Variants in CAPN13 observed in about 807,000 individuals in gnomAD.
The protein encoded by CAPN13 is calpain 13.
CAPN13 carries 90 observed loss-of-function variants against 98.4 expected under a neutral mutation model. The observed-to-expected ratio is 0.92, with a 90% CI of 0.77 to 1.09. The LOEUF (loss-of-function observed/expected upper bound fraction) is 1.09, where lower values mean the gene tolerates loss of function less well. Ranked by LOEUF, CAPN13 falls within the 50% of genes least tolerant of loss-of-function variation. The probability of loss-of-function intolerance (pLI) is 0.00; values close to 1 mark genes in which losing one functional copy is unlikely to be tolerated. For missense variants in CAPN13, 887 were observed against 841.3 expected (o/e 1.05, Z -0.67); for synonymous variants, 330 against 305.5 (o/e 1.08, Z -0.84).
At chr2:30,731,727 T>C (rs1344309566) in intron 20 of CAPN13, among the ~76,000 whole-genome samples, 12 of 152,188 alleles carry the variant, frequency 7.9e-5, no homozygotes, top group Non-Finnish European at 1.5e-4. Flanking sequence ...CTTTCAGTGA[T>C]ACAATTTGGG....
At chr2:30,742,771 A>G (rs1472390048) in intron 13 of CAPN13, among the ~76,000 whole-genome samples, 1 of 152,182 alleles carries the variant, frequency 6.6e-6, no homozygotes, top group African/African-American at 2.4e-5. Context: ...AAGAGGAGAC[A>G]AGGGGCCCAG....
At chr2:30,740,539 A>G (rs1273489979) in intron 15 of CAPN13, among the ~76,000 whole-genome samples, 6 of 152,242 alleles carry the variant, frequency 3.9e-5, no homozygotes, top group African/African-American at 1.4e-4. Context: ...GAATACTGCC[A>G]GGTGGGCCCT....
intron 3 of CAPN13, among the ~76,000 whole-genome samples, chr2:30,776,399 G>C (rs751345873): frequency 9.2e-5 from 14 of 152,072 alleles, no homozygotes; most frequent in Non-Finnish European, 1.5e-4. Context: ...TTTTAGTGGA[G>C]ACAGGGTTTC....
Position 30,758,036 on chromosome 2 carries a change from G to C in CAPN13, c.866+10C>G, listed in dbSNP as rs745377275. 5.6e-6 allele frequency: 9 copies of C among 1,594,970 alleles called. No individual in the cohort carries two copies. In the African/African-American group the frequency reaches 9.5e-5, roughly 17 times the overall value. On this transcript the variant is annotated intron_variant, in intron 8 of 22. Coordinates refer to ENST00000295055, the MANE Select transcript of CAPN13 (RefSeq NM_144575.3). ...TGTGAAGGATGGAGAGAGGTTTCCA[G>C]AAGCCATACCCATCACTCCAGCGCC...
In CAPN13 at chr2:30,753,183, A is replaced by T; in HGVS notation, c.957T>A (p.Asp319Glu). 6.2e-7 allele frequency: 1 copy of T among 1,614,038 alleles called. No individual in the cohort carries two copies. The highest frequency in any genetic ancestry group is 8.5e-7 in the Non-Finnish European group (1 of 1,179,886). ...ACATGGCGATGAATTTCTGTTGGAA[A>T]TCTTGACACGACATCCTGTTAAAAA... ...EDGEFWMSCQDFQQKFIAMFI... is the reference protein window; with the variant it reads ...EDGEFWMSCQEFQQKFIAMFI... The change falls in exon 10 of 23, where the codon GAT becomes GAA. Residue 319 changes from aspartate (D) to glutamate (E), a missense_variant. Transcript: ENST00000295055.
chr2:30,759,229 C>T (rs1461096555), intron 7 of CAPN13, among the ~76,000 whole-genome samples: 3 of 151,702 alleles, frequency 2.0e-5, no homozygotes, highest in African/African-American at 7.3e-5. Context: ...CCTCTTCTCT[C>T]CCTCCCTCCT....
rs111980788 is a variant in CAPN13 at position 30,759,311 on chromosome 2, G to A, written c.775-1174C>T. On this transcript the variant is annotated intron_variant, in intron 7 of 22. Coordinates refer to ENST00000295055, the MANE Select transcript of CAPN13 (RefSeq NM_144575.3). ...ATAGTCGTGCACTTCAGATAAGGAGGTCTACCCCTTTGCTCCCTCACACCG... is the reference window on the plus strand; with the variant it reads ...ATAGTCGTGCACTTCAGATAAGGAGATCTACCCCTTTGCTCCCTCACACCG... Among the ~76,000 whole-genome samples the A allele has an allele frequency of 2.3e-3, 355 of 152,110 alleles. 2 individuals carry two copies. The highest frequency in any genetic ancestry group is 8.2e-3 in the African/African-American group (339 of 41,482).
intron 15 of CAPN13, among the ~76,000 whole-genome samples, chr2:30,739,548 G>A (rs940790509): frequency 6.6e-6 from 1 of 152,044 alleles, no homozygotes; most frequent in Admixed American, 6.6e-5. Flanking sequence ...ATTTCACTCT[G>A]GGTTTTATCA....
At chr2:30,804,524 T>C (rs13388219) in intron 1 of CAPN13, among the ~76,000 whole-genome samples, 84,423 of 151,978 alleles carry the variant, frequency 0.56, 23,628 homozygotes, top group Middle Eastern at 0.61. Context: ...CATAACTCTC[T>C]GAGGAGGGAA....
intron 1 of CAPN13, among the ~76,000 whole-genome samples, chr2:30,792,959 G>T (rs1674677030): frequency 6.6e-6 from 1 of 151,824 alleles, no homozygotes; most frequent in African/African-American, 2.4e-5. Flanking sequence ...AAGCTACAAA[G>T]ACATAATTTA....
chr2:30,778,875 G>A (rs1192809553), intron 2 of CAPN13, among the ~76,000 whole-genome samples: 2 of 152,208 alleles, frequency 1.3e-5, no homozygotes, highest in Non-Finnish European at 2.9e-5. Context: ...CTCTGCCAGA[G>A]CCATCGTGGG....
chr2:30,747,277 T>TGA lies in CAPN13; in HGVS notation c.1237-1545_1237-1544dup, dbSNP rs200326285. On this transcript the variant is annotated intron_variant, in intron 11 of 22. Transcript: ENST00000295055. ...CTCCCTATTTTATGGGTGTAGAAAC[T>TGA]GAGGCTCAGCAGTTTAAGTAGCAGA... Among the ~76,000 whole-genome samples the TGA allele has an allele frequency of 5.6e-3, 859 of 152,352 alleles. 18 individuals carry two copies. The highest frequency in any genetic ancestry group is 0.046 in the Admixed American group (708 of 15,306).
At chr2:30,730,856 C>T (rs746103813) in intron 21 of CAPN13, 70 bp from the exon 22 acceptor site, 8 of 776,092 alleles carry the variant, frequency 1.0e-5, no homozygotes, top group Admixed American at 1.7e-5. Context: ...AGGGCAAATG[C>T]CACCCTCCTC....
chr2:30,760,503 G>A (rs1297251671), intron 7 of CAPN13, among the ~76,000 whole-genome samples: 2 of 152,194 alleles, frequency 1.3e-5, no homozygotes, highest in African/African-American at 4.8e-5. Flanking sequence ...GAGGCATGCA[G>A]ATAAACACTC....
chr2:30,756,967 C>T (rs1460597980), intron 8 of CAPN13, among the ~76,000 whole-genome samples: 2 of 152,170 alleles, frequency 1.3e-5, no homozygotes, highest in Admixed American at 6.5e-5. Flanking sequence ...CATGGGGGAT[C>T]GGAGCGGTCC....
intron 5 of CAPN13, among the ~76,000 whole-genome samples, chr2:30,769,689 T>C (rs1231333231): frequency 1.3e-5 from 2 of 152,226 alleles, no homozygotes; most frequent in Admixed American, 6.5e-5. Flanking sequence ...GGGATGTTTA[T>C]AAGTTCTTAA....
At chr2:30,758,789 TC>T (rs1442553925) in intron 7 of CAPN13, among the ~76,000 whole-genome samples, 3 of 109,254 alleles carry the variant, frequency 2.7e-5, no homozygotes, top group East Asian at 5.8e-4. Flanking sequence ...TCCCTCCCTT[TC>T]CTTTCCTTCC....
Position 30,785,099 on chromosome 2 carries a change from A to G in CAPN13, c.198+2029T>C, listed in dbSNP as rs562954095. On this transcript the variant is annotated intron_variant, in intron 2 of 22. Transcript: ENST00000295055. ...TTGCACGTGTGAACTTGAAACATGC[A>G]TCAGGCACATGTAGATAGGGTCCTT... Among the ~76,000 whole-genome samples, 8 of 152,310 alleles carry G rather than the reference A, an allele frequency of 5.3e-5. No homozygotes were observed. In the South Asian group the frequency reaches 1.5e-3, roughly 28 times the overall value.
At position 30,754,344 on chromosome 2, in the gene CAPN13, G is replaced by C. The variant is rs748850491; in HGVS notation, c.887C>G (p.Thr296Ser). ...WSDGSQEWEE[T>S]CDPRKSQLHK... ...TAGCTGGCTTTTCCGCGGATCACAGGTTTCCTCCCACTCCTGAGACCTGAG... is the reference window on the plus strand; with the variant it reads ...TAGCTGGCTTTTCCGCGGATCACAGCTTTCCTCCCACTCCTGAGACCTGAG... The change falls in exon 9 of 23, where the codon ACC becomes AGC. Residue 296 changes from threonine (T) to serine (S), a missense_variant. By Grantham distance (58) the Thr-to-Ser change is moderately conservative. Coordinates refer to ENST00000295055, the MANE Select transcript of CAPN13 (RefSeq NM_144575.3). The C allele has an allele frequency of 1.2e-6, 2 of 1,605,210 alleles. No homozygotes were observed. Among genetic ancestry groups the C allele is most frequent in the Admixed American group, 3.4e-5 (2 of 58,306 alleles).
Sources: gnomAD v4.1 joint callset for allele counts (sites outside exome capture counted in the v4.1 genomes callset) on GRCh38, gnomAD v4.1.1 for gene constraint, MANE v1.5 for transcripts, NCBI Gene and HGNC (gene_info 2026-07-23, HGNC 2026-07-21) for gene names.